GNAZ: variants seen among roughly 807,000 people sequenced by gnomAD.
GNAZ encodes the protein G protein subunit alpha z.
Under a neutral mutation model 25.4 loss-of-function variants are expected in GNAZ, and 3 were observed. That is an observed-to-expected ratio of 0.12 (90% CI 0.05 to 0.30). GNAZ has a LOEUF of 0.30. GNAZ is among the 10% of genes least tolerant of loss of function. GNAZ has a pLI of 1.00. For missense variants in GNAZ, 241 were observed against 501.8 expected (o/e 0.48, Z 4.97); for synonymous variants, 211 against 205.7 (o/e 1.03, Z -0.22).
chr22:23,119,427 T>A (rs1436147273), intron 2 of GNAZ, among the ~76,000 whole-genome samples: 1 of 152,224 alleles, frequency 6.6e-6, no homozygotes, highest in Non-Finnish European at 1.5e-5. Context: ...TTCTTCAGCC[T>A]CCCGCTCTGT....
intron 1 of GNAZ, among the ~76,000 whole-genome samples, chr22:23,074,980 C>A (rs904525336): frequency 3.3e-5 from 5 of 152,162 alleles, no homozygotes; most frequent in Non-Finnish European, 7.3e-5. Flanking sequence ...CCAGCCTGAG[C>A]AACATGTAAG....
intron 1 of GNAZ, among the ~76,000 whole-genome samples, chr22:23,092,552 C>T (rs1172433933): frequency 6.6e-6 from 1 of 152,166 alleles, no homozygotes; most frequent in African/African-American, 2.4e-5. Context: ...CAGACTTGGC[C>T]CTGATGCATG....
chr22:23,070,740 C>G (rs2068343132), intron 1 of GNAZ, 170 bp downstream of exon 1: 1 of 151,834 alleles, frequency 6.6e-6, no homozygotes, highest in Admixed American at 6.6e-5. Flanking sequence ...ACACCAAGGG[C>G]GGGGACGCCT....
intron 2 of GNAZ, among the ~76,000 whole-genome samples, chr22:23,110,038 C>T (rs1342116756): frequency 6.6e-6 from 1 of 152,212 alleles, no homozygotes; most frequent in Non-Finnish European, 1.5e-5. Flanking sequence ...GAGGGAAGCA[C>T]TAACCAGATT....
intron 2 of GNAZ, among the ~76,000 whole-genome samples, chr22:23,113,193 G>C (rs1171529832): frequency 6.6e-6 from 1 of 152,204 alleles, no homozygotes; most frequent in Non-Finnish European, 1.5e-5. Flanking sequence ...GTGTTCTGAC[G>C]TTGGCTAAAC....
rs1426724733 is a variant in GNAZ at position 23,083,561 on chromosome 22, T to C, written c.-449-11686T>C. ...GCACCTGCTTCGAGGGAAGCAGAGC[T>C]GGTGCTTGGGGGAGGGAGGGTAGAG... On this transcript the variant is annotated intron_variant, in intron 1 of 2. Transcript: ENST00000615612. Among the ~76,000 whole-genome samples the C allele has an allele frequency of 2.6e-5, 4 of 152,090 alleles. No individual in the cohort carries two copies. The East Asian group carries it at 7.7e-4, about 29-fold the overall frequency.
chr22:23,124,440 G>A lies in GNAZ; in HGVS notation c.*1009G>A, dbSNP rs780767821. ...TGAGTGGCAGTCCTGCGCCAGCCTCGCGGGACACGTGTTGTACATAAGCCT... is the reference window on the plus strand; with the variant it reads ...TGAGTGGCAGTCCTGCGCCAGCCTCACGGGACACGTGTTGTACATAAGCCT... On this transcript the variant is annotated 3_prime_UTR_variant, in exon 3 of 3. Transcript: ENST00000615612. 6 of 468,940 alleles carry A rather than the reference G, an allele frequency of 1.3e-5. No individual in the cohort carries two copies. Among genetic ancestry groups the A allele is most frequent in the South Asian group, 6.2e-5 (4 of 64,238 alleles). The allele number at this position is 468,940 out of a possible 1,614,324, so 29.0% of individuals were successfully genotyped here. A position where few individuals can be genotyped will look rare whatever the true frequency, so the allele number is the denominator to read the frequency against.
At chr22:23,114,812 T>C (rs1052116258) in intron 2 of GNAZ, among the ~76,000 whole-genome samples, 2 of 152,220 alleles carry the variant, frequency 1.3e-5, no homozygotes, top group African/African-American at 4.8e-5. Flanking sequence ...CATTCCCTCC[T>C]GCCTGTCCTC....
At chr22:23,099,274 C>T (rs1601799473) in intron 2 of GNAZ, among the ~76,000 whole-genome samples, 1 of 152,366 alleles carries the variant, frequency 6.6e-6, no homozygotes, top group African/African-American at 2.4e-5. Flanking sequence ...GGCAGATTTC[C>T]GGGTGTCTGT....
rs977923496 is a variant in GNAZ, at chr22:23,110,020, G to A, written c.724-13067G>A. Among the ~76,000 whole-genome samples, 12 of 152,206 alleles carry A rather than the reference G, an allele frequency of 7.9e-5. 1 individual carries two copies. The highest frequency in any genetic ancestry group is 4.1e-4 in the South Asian group (2 of 4,834). On this transcript the variant is annotated intron_variant, in intron 2 of 2. Transcript: ENST00000615612. Reference sequence around the variant, plus strand: ...CTGTCAAGGTAGCATTGAGGTTTGCGGGAGGAAGAGGGAAGCACTAACCAG... The same window carrying A: ...CTGTCAAGGTAGCATTGAGGTTTGCAGGAGGAAGAGGGAAGCACTAACCAG...
chr22:23,083,385 CTGCAGGGTGACCCCTT>C (rs967391518), intron 1 of GNAZ, among the ~76,000 whole-genome samples: 4 of 152,094 alleles, frequency 2.6e-5, no homozygotes, highest in Non-Finnish European at 5.9e-5. Flanking sequence ...GGCCTGTGGA[CTGCAGGGTGACCCCTT>C]TGCAGGCTGC....
In GNAZ at chr22:23,090,019, C is replaced by T. The variant is rs142255300; in HGVS notation, c.-449-5228C>T. Reference sequence around the variant, plus strand: ...CTATGTCGCACTAAGTCCTAAGCGACCTCCTGGTGAATTTGCCACACCCTT... The same window carrying T: ...CTATGTCGCACTAAGTCCTAAGCGATCTCCTGGTGAATTTGCCACACCCTT... On this transcript the variant is annotated intron_variant, in intron 1 of 2. Transcript: ENST00000615612. Among the ~76,000 whole-genome samples, 243 of 152,232 alleles carry T rather than the reference C, an allele frequency of 1.6e-3. 1 individual carries two copies. Among genetic ancestry groups the T allele is most frequent in the African/African-American group, 5.7e-3 (236 of 41,536 alleles).
At chr22:23,090,154 A>G (rs2068928154) in intron 1 of GNAZ, among the ~76,000 whole-genome samples, 1 of 152,134 alleles carries the variant, frequency 6.6e-6, no homozygotes, top group Non-Finnish European at 1.5e-5. Flanking sequence ...CCATAAGCAC[A>G]GCAGGGTCCT....
chr22:23,072,304 T>A (rs190670548), intron 1 of GNAZ, among the ~76,000 whole-genome samples: 1 of 152,042 alleles, frequency 6.6e-6, no homozygotes, highest in African/African-American at 2.4e-5. Flanking sequence ...CGGGGTGCAG[T>A]GGGGGTGTGG....
At chr22:23,079,846 G>A (rs1171780611) in intron 1 of GNAZ, among the ~76,000 whole-genome samples, 1 of 152,194 alleles carries the variant, frequency 6.6e-6, no homozygotes, top group African/African-American at 2.4e-5. Flanking sequence ...GGGACGCAGG[G>A]AAGGCGTGCT....
chr22:23,077,323 C>T (rs554993438), intron 1 of GNAZ, among the ~76,000 whole-genome samples: 124 of 152,322 alleles, frequency 8.1e-4, no homozygotes, highest in African/African-American at 2.9e-3. Context: ...TCTCTTCTCT[C>T]ATTTGATGCC....
chr22:23,075,041 C>G (rs1219379790), intron 1 of GNAZ, among the ~76,000 whole-genome samples: 5 of 152,204 alleles, frequency 3.3e-5, no homozygotes, highest in African/African-American at 1.2e-4. Flanking sequence ...AGAACAGCAA[C>G]AGCAGAGCAT....
intron 2 of GNAZ, among the ~76,000 whole-genome samples, chr22:23,109,769 C>A (rs372086242): frequency 6.6e-6 from 1 of 152,200 alleles, no homozygotes; most frequent in Non-Finnish European, 1.5e-5. Context: ...GCTGCCCCAG[C>A]CCTGGAAGCT....
chr22:23,115,505 G>A (rs1209718703), intron 2 of GNAZ, among the ~76,000 whole-genome samples: 1 of 152,136 alleles, frequency 6.6e-6, no homozygotes, highest in Non-Finnish European at 1.5e-5. Context: ...AGTGCGTCTG[G>A]CCTCCTGGAG....
Sources: gnomAD v4.1 joint callset for allele counts (sites outside exome capture counted in the v4.1 genomes callset) on GRCh38, gnomAD v4.1.1 for gene constraint, MANE v1.5 for transcripts, NCBI Gene and HGNC (gene_info 2026-07-23, HGNC 2026-07-21) for gene names.